The following FAM53A variants were observed in gnomAD, a reference collection of about 807,000 sequenced individuals.
FAM53A encodes the protein family with sequence similarity 53 member A.
FAM53A carries 28 observed loss-of-function variants against 26.6 expected under a neutral mutation model. The observed-to-expected ratio is 1.05, with a 90% CI of 0.78 to 1.45. The LOEUF (loss-of-function observed/expected upper bound fraction) is 1.45. Among genes scored for constraint, FAM53A ranks in the 40% most tolerant of loss-of-function variants. The probability of loss-of-function intolerance (pLI) is 0.00; values close to 1 mark genes in which losing one functional copy is unlikely to be tolerated. For missense variants in FAM53A, 650 were observed against 575.8 expected (o/e 1.13, Z -1.32); for synonymous variants, 290 against 253.1 (o/e 1.15, Z -1.38).
upstream of FAM53A, chr4:1,684,345 C>T (rs1303914756): frequency 1.3e-5 from 2 of 148,360 alleles, no homozygotes; most frequent in Admixed American, 6.7e-5. Context: ...CGCCGCCCCG[C>T]CCCCTCCGGC....
the FAM53A span, among the ~76,000 whole-genome samples, chr4:1,607,415 G>C: frequency 4.0e-5 from 6 of 151,834 alleles, no homozygotes; most frequent in Admixed American, 3.9e-4. Context: ...GTACACAAAA[G>C]CAGTGAGACC....
At chr4:1,632,707 G>A (rs534285397) in intron 1 of FAM53A, among the ~76,000 whole-genome samples, 1 of 152,260 alleles carries the variant, frequency 6.6e-6, no homozygotes, top group South Asian at 2.1e-4. Flanking sequence ...GTGCATGCAC[G>A]TGGGCAGTTT....
At chr4:1,683,121 T>C (rs1715571422) in intron 1 of FAM53A, among the ~76,000 whole-genome samples, 2 of 152,200 alleles carry the variant, frequency 1.3e-5, no homozygotes, top group Admixed American at 6.5e-5. Context: ...AAAACTACAA[T>C]TGTCTGAAAG....
At chr4:1,629,069 G>A (rs539448505) in intron 1 of FAM53A, among the ~76,000 whole-genome samples, 10 of 152,060 alleles carry the variant, frequency 6.6e-5, no homozygotes, top group South Asian at 2.1e-4. Context: ...CAGGATGTGC[G>A]CCATGCCTGC....
chr4:1,656,766 G>A (rs559918482), intron 3 of FAM53A, among the ~76,000 whole-genome samples: 17 of 152,266 alleles, frequency 1.1e-4, no homozygotes, highest in East Asian at 7.7e-4. Context: ...GTCATCTGGC[G>A]CTCAGCAAGG....
downstream of FAM53A, among the ~76,000 whole-genome samples, chr4:1,636,389 G>A (rs1285937580): frequency 6.6e-6 from 1 of 152,132 alleles, no homozygotes; most frequent in African/African-American, 2.4e-5. Flanking sequence ...CTCTGCCTAG[G>A]ACGGGGGTTG....
chr4:1,653,198 C>T (rs2108890530), intron 4 of FAM53A, among the ~76,000 whole-genome samples: 1 of 152,164 alleles, frequency 6.6e-6, no homozygotes, highest in South Asian at 2.1e-4. Context: ...CACCCATCTC[C>T]CCAACACACC....
intron 4 of FAM53A, among the ~76,000 whole-genome samples, chr4:1,642,278 G>A (rs1711781794): frequency 6.6e-6 from 1 of 152,156 alleles, no homozygotes; most frequent in Non-Finnish European, 1.5e-5. Context: ...TGCACACACA[G>A]GGGTCTCCCC....
chr4:1,611,833 C>T, the FAM53A span, among the ~76,000 whole-genome samples: 1 of 152,226 alleles, frequency 6.6e-6, no homozygotes, highest in East Asian at 1.9e-4. Context: ...AGAGAAGGGA[C>T]GACTCCAGCA....
chr4:1,621,100 A>ATTTTTTTTTT (rs1560106132), intron 1 of FAM53A, among the ~76,000 whole-genome samples: 25 of 77,242 alleles, frequency 3.2e-4, no homozygotes, highest in Admixed American at 4.7e-4. Context: ...CAGCTACGCT[A>ATTTTTTTTTT]CTTTTTTTTT....
At chr4:1,616,973 C>CA (rs1714833166), downstream of FAM53A, among the ~76,000 whole-genome samples, 2 of 152,086 alleles carry the variant, frequency 1.3e-5, no homozygotes, top group Non-Finnish European at 2.9e-5. Context: ...ACCATCTCCA[C>CA]AAAAAATACA....
At chr4:1,661,802 C>G (rs1237741775) in intron 2 of FAM53A, among the ~76,000 whole-genome samples, 1 of 152,134 alleles carries the variant, frequency 6.6e-6, no homozygotes, top group Non-Finnish European at 1.5e-5. Context: ...GAGGACACAA[C>G]CCTAAAAATC....
chr4:1,665,853 T>C (rs1176333263), intron 2 of FAM53A, among the ~76,000 whole-genome samples: 4 of 152,066 alleles, frequency 2.6e-5, no homozygotes, highest in Non-Finnish European at 5.9e-5. Flanking sequence ...AGGCAGGGGC[T>C]GAAGAGCTAC....
chr4:1,627,629 G>C (rs1347471935), intron 1 of FAM53A, among the ~76,000 whole-genome samples: 1 of 152,192 alleles, frequency 6.6e-6, no homozygotes, highest in Non-Finnish European at 1.5e-5. Context: ...ACATTCTCCA[G>C]GGCAGAGACA....
chr4:1,632,858 GCA>G (rs1320633453), intron 1 of FAM53A, among the ~76,000 whole-genome samples: 1 of 152,212 alleles, frequency 6.6e-6, no homozygotes, highest in Non-Finnish European at 1.5e-5. Flanking sequence ...AGTTACACGT[GCA>G]CACACACAGG....
rs111734876 is a variant in FAM53A at position 1,659,973 on chromosome 4, G to A, written c.76-2505C>T. Among the ~76,000 whole-genome samples the A allele has an allele frequency of 1.4e-3, 209 of 152,340 alleles. 2 individuals are homozygous for A. Among genetic ancestry groups the A allele is most frequent in the African/African-American group, 4.9e-3 (202 of 41,570 alleles). ...CTTCAACATATGGGTTTCGGGGAAT[G>A]TGAACATGCAACCCTTAAGCCTAAG... is the stretch of plus-strand genomic sequence containing the variant. On this transcript the variant is annotated intron_variant, in intron 2 of 4. Transcript: ENST00000308132. This position sits in a 1 kb window ranked among gnomAD's most constrained non-coding sequence, Gnocchi z 5.2.
chr4:1,579,657 G>C, the FAM53A span, among the ~76,000 whole-genome samples: 1 of 151,278 alleles, frequency 6.6e-6, no homozygotes, highest in Admixed American at 6.6e-5. Context: ...TGCGAGGCGT[G>C]AGTGAGTTAC....
the FAM53A span, among the ~76,000 whole-genome samples, chr4:1,600,782 C>T: frequency 2.0e-5 from 3 of 152,174 alleles, no homozygotes; most frequent in Admixed American, 6.5e-5. Flanking sequence ...TCAGCCTCCC[C>T]GGCTCAGGCA....
chr4:1,647,322 G>T (rs181387456), intron 4 of FAM53A, among the ~76,000 whole-genome samples: 5 of 150,464 alleles, frequency 3.3e-5, no homozygotes, highest in African/African-American at 1.2e-4. Flanking sequence ...GTGACAGAGC[G>T]AGACTCCATC....
Sources: gnomAD v4.1 joint callset for allele counts (sites outside exome capture counted in the v4.1 genomes callset) on GRCh38, gnomAD v4.1.1 for gene constraint, Gnocchi (gnomAD v3.1) non-coding constraint, MANE v1.5 for transcripts, NCBI Gene and HGNC (gene_info 2026-07-23, HGNC 2026-07-21) for gene names.